The following CDH12 variants were observed in gnomAD, a reference collection of about 807,000 sequenced individuals.
CDH12 encodes cadherin-12.
Under a neutral mutation model 74.1 loss-of-function variants are expected in CDH12, and 41 were observed. The observed-to-expected ratio is 0.55, with a 90% CI of 0.43 to 0.72. The LOEUF is 0.72. CDH12 is among the 30% of genes least tolerant of loss of function. The pLI, the probability that CDH12 is intolerant of heterozygous loss-of-function variation, is 0.00. For synonymous variants in CDH12, 399 were observed against 355.0 expected (o/e 1.12, Z -1.39); for missense variants, 945 against 977.2 (o/e 0.97, Z 0.44).
At chr5:22,380,504 T>A (rs1741713841) in intron 3 of CDH12, among the ~76,000 whole-genome samples, 1 of 149,624 alleles carries the variant, frequency 6.7e-6, no homozygotes, top group Non-Finnish European at 1.5e-5. Context: ...GTCACAGTAT[T>A]TTATGCTTAT....
Position 22,028,975 on chromosome 5 carries a change from G to C in CDH12, c.231+49471C>G, listed in dbSNP as rs572711393. On this transcript the variant is annotated intron_variant, in intron 5 of 14. Transcript: ENST00000382254. ...TAACGCCACATATCTACAGCGATCT[G>C]ATCTTTGACAAACCTGAGAAAAACA... 7.4e-4 allele frequency among the ~76,000 whole-genome samples: 112 copies of C among 152,266 alleles called. 4 individuals are homozygous for C. The South Asian group carries it at 0.023, about 31-fold the overall frequency.
chr5:22,581,862 T>TA (rs982873797), intron 1 of CDH12, among the ~76,000 whole-genome samples: 3 of 151,364 alleles, frequency 2.0e-5, no homozygotes, highest in Admixed American at 6.6e-5. Flanking sequence ...AAATCCTGGC[T>TA]AAAAAAAAAT....
chr5:21,834,634 C>T (rs767148746), intron 8 of CDH12, among the ~76,000 whole-genome samples: 21 of 151,852 alleles, frequency 1.4e-4, no homozygotes, highest in Non-Finnish European at 2.7e-4. Context: ...ACTTTAGAAA[C>T]GAACGTATAT....
At chr5:22,130,081 A>G (rs1210868197) in intron 4 of CDH12, among the ~76,000 whole-genome samples, 1 of 151,206 alleles carries the variant, frequency 6.6e-6, no homozygotes, top group Non-Finnish European at 1.5e-5. Flanking sequence ...GGAAATTGAG[A>G]TACCATATTT....
At chr5:22,837,279 C>G (rs1188261873) in intron 1 of CDH12, among the ~76,000 whole-genome samples, 2 of 151,786 alleles carry the variant, frequency 1.3e-5, no homozygotes, top group Non-Finnish European at 2.9e-5. Context: ...AAAAAATTAG[C>G]TGGGTGTGGT....
At chr5:21,796,305 C>T (rs10941926) in intron 10 of CDH12, among the ~76,000 whole-genome samples, 90,083 of 151,778 alleles carry the variant, frequency 0.59, 29,394 homozygotes, top group Non-Finnish European at 0.73. Context: ...TACATTTGGA[C>T]AAAATCATCT....
chr5:22,539,744 C>T (rs531614009), intron 1 of CDH12, among the ~76,000 whole-genome samples: 7 of 152,230 alleles, frequency 4.6e-5, no homozygotes, highest in East Asian at 3.9e-4. Context: ...AGTGAATGAG[C>T]GGGCTGTATG....
Position 22,448,127 on chromosome 5 carries a change from C to A in CDH12, c.-427-42776G>T, listed in dbSNP as rs1183799725. On this transcript the variant is annotated intron_variant, in intron 2 of 14. Coordinates refer to ENST00000382254, the MANE Select transcript of CDH12 (RefSeq NM_004061.5). ...ATGATCACATCATACCACTGCACTC[C>A]AGCCTGGGCAACAGAGTAAGACCCT... Among the ~76,000 whole-genome samples, 3 of 149,562 alleles carry A rather than the reference C, an allele frequency of 2.0e-5. No individual in the cohort carries two copies. In the East Asian group the frequency reaches 5.9e-4, roughly 29 times the overall value.
chr5:22,186,800 T>C (rs1169319828), intron 4 of CDH12, among the ~76,000 whole-genome samples: 2 of 152,098 alleles, frequency 1.3e-5, no homozygotes, highest in Admixed American at 1.3e-4. Context: ...AAAAGACACT[T>C]TGAAATAACA....
At chr5:22,544,203 C>G (rs1423515479) in intron 1 of CDH12, among the ~76,000 whole-genome samples, 1 of 151,940 alleles carries the variant, frequency 6.6e-6, no homozygotes, top group Non-Finnish European at 1.5e-5. Flanking sequence ...TCACAGTTGC[C>G]TTCCAATGAT....
At chr5:22,284,302 CATTA>C in intron 3 of CDH12, among the ~76,000 whole-genome samples, 1 of 152,254 alleles carries the variant, frequency 6.6e-6, no homozygotes, top group East Asian at 1.9e-4. Context: ...CAGCAATATA[CATTA>C]ATTATCTCAG....
At chr5:22,710,144 T>C (rs181942692) in intron 1 of CDH12, among the ~76,000 whole-genome samples, 1 of 152,328 alleles carries the variant, frequency 6.6e-6, no homozygotes, top group African/African-American at 2.4e-5. Context: ...TTATGTTGTG[T>C]CTTTATTTCA....
intron 4 of CDH12, among the ~76,000 whole-genome samples, chr5:22,083,247 G>A (rs901578624): frequency 4.6e-5 from 7 of 152,164 alleles, no homozygotes; most frequent in African/African-American, 1.2e-4. Flanking sequence ...ATTTAACAAG[G>A]CCTGCATAAT....
intron 2 of CDH12, among the ~76,000 whole-genome samples, chr5:22,457,786 C>A (rs1394417697): frequency 1.3e-5 from 2 of 152,004 alleles, no homozygotes; most frequent in African/African-American, 4.8e-5. Context: ...GCTCTGTCAC[C>A]CAGGCTGGAG....
intron 4 of CDH12, among the ~76,000 whole-genome samples, chr5:22,096,814 G>A (rs1743809082): frequency 6.6e-6 from 1 of 152,022 alleles, no homozygotes; most frequent in Non-Finnish European, 1.5e-5. Flanking sequence ...ACCCTGAAAG[G>A]TCACAAGGCC....
intron 2 of CDH12, among the ~76,000 whole-genome samples, chr5:22,449,794 T>C (rs1039837335): frequency 6.6e-6 from 1 of 152,034 alleles, no homozygotes; most frequent in Non-Finnish European, 1.5e-5. Flanking sequence ...GAATATAAAT[T>C]ACTTCTGCAT....
intron 2 of CDH12, among the ~76,000 whole-genome samples, chr5:22,409,806 C>G (rs181293289): frequency 2.2e-4 from 33 of 152,114 alleles, no homozygotes; most frequent in African/African-American, 7.7e-4. Context: ...TACCCCATGA[C>G]TAGTGGTCAG....
chr5:22,554,565 G>C (rs1217837418), intron 1 of CDH12, among the ~76,000 whole-genome samples: 1 of 152,056 alleles, frequency 6.6e-6, no homozygotes, highest in Non-Finnish European at 1.5e-5. Context: ...ACATAAGGAT[G>C]GTTATGGAAT....
chr5:22,384,286 A>C (rs898778176), intron 3 of CDH12, among the ~76,000 whole-genome samples: 3 of 151,840 alleles, frequency 2.0e-5, no homozygotes, highest in Non-Finnish European at 4.4e-5. Flanking sequence ...GCACTTTGGG[A>C]GGCCGAGGCG....
Sources: gnomAD v4.1 joint callset for allele counts (sites outside exome capture counted in the v4.1 genomes callset) on GRCh38, gnomAD v4.1.1 for gene constraint, MANE v1.5 for transcripts, NCBI Gene and HGNC (gene_info 2026-07-23, HGNC 2026-07-21) for gene names.